DGKD: variants seen among roughly 807,000 people sequenced by gnomAD.
The protein encoded by DGKD is DAG kinase delta.
A neutral mutation model predicts 154.4 loss-of-function variants in DGKD; 68 were observed. The ratio of observed to expected loss-of-function variants is 0.44; its 90% CI spans 0.36 to 0.54. The LOEUF is 0.54. DGKD is among the 20% of genes least tolerant of loss of function. The pLI is 0.00. For synonymous variants in DGKD, 693 were observed against 638.0 expected (o/e 1.09, Z -1.30); for missense variants, 1,343 against 1,593.6 (o/e 0.84, Z 2.68).
At chr2:233,416,982 C>T (rs1271555996) in intron 3 of DGKD, among the ~76,000 whole-genome samples, 6 of 152,198 alleles carry the variant, frequency 3.9e-5, no homozygotes, top group Non-Finnish European at 7.3e-5. Context: ...GCATTGCAGC[C>T]GCAAGCTCTG....
At chr2:233,386,227 A>T (rs1026219481) in intron 1 of DGKD, 3 of 326,126 alleles carry the variant, frequency 9.2e-6, no homozygotes, top group African/African-American at 2.2e-5. Flanking sequence ...AAGGAAGATG[A>T]ATGGGGGGCC....
In DGKD at chr2:233,458,257, T is replaced by C. The variant is rs2063520463; in HGVS notation, c.2581-27T>C. 6.7e-7 allele frequency: 1 copy of C among 1,495,316 alleles called. No homozygotes were observed. Among genetic ancestry groups the C allele is most frequent in the Non-Finnish European group, 9.3e-7 (1 of 1,075,634 alleles). 92.6% of individuals were successfully genotyped at this position (1,495,316 alleles called of 1,614,324 possible). ...CTGTGCTCGGGGATGTGTGGAGTGG[T>C]GGTCAGCTCTAACGTGTCCCTTGCA... On this transcript the variant is annotated intron_variant, in intron 21 of 29. Transcript: ENST00000264057. The surrounding 1 kb of genome is among the most constrained non-coding windows in gnomAD (Gnocchi z 6.6).
At chr2:233,460,162 C>T (rs771192187) in intron 23 of DGKD, 32 bp from the exon 24 acceptor site, 4 of 1,610,436 alleles carry the variant, frequency 2.5e-6, no homozygotes, top group Non-Finnish European at 3.4e-6. Context: ...TGCTTCAGAG[C>T]AGCAGGTGTA....
rs2063578395 is a variant in DGKD, at chr2:233,460,100, T to G, written c.2830-94T>G. The G allele has an allele frequency of 3.9e-6, 6 of 1,535,456 alleles. No homozygotes were observed. The South Asian group carries it at 7.7e-5, about 20-fold the overall frequency. On this transcript the variant is annotated intron_variant, in intron 23 of 29. Transcript: ENST00000264057. The stretch of plus-strand genomic sequence containing the variant: ...AAAAAAAAAGTCCTATTTGTCTCTT[T>G]CTAGTTGTGATCTCGTTGGCATCCC...
chr2:233,429,070 C>G, intron 3 of DGKD: 1 of 970,452 alleles, frequency 1.0e-6, no homozygotes, highest in Non-Finnish European at 1.2e-6. Context: ...TAGTAGTGCC[C>G]AATACCCACA....
Position 233,435,893 on chromosome 2 carries a change from T to A in DGKD, c.662T>A (p.Ile221Asn). The change falls in exon 6 of 30, where the codon ATC becomes AAC. Residue 221 changes from isoleucine to asparagine, a missense_variant. By Grantham distance (149) the Ile-to-Asn change is moderately radical. This residue lies in a region of DGKD where 332 missense variants were observed against 400.1 expected (regional missense o/e 0.83). Transcript: ENST00000264057. ...NNCKWTTLAS[I>N]GKDIIEDADG... The stretch of plus-strand genomic sequence containing the variant: ...TGCAAGTGGACCACACTGGCCTCGA[T>A]CGGGAAGGACATCATTGAAGATGCA... 6.2e-7 allele frequency: 1 copy of A among 1,611,732 alleles called. No individual in the cohort carries two copies. The highest frequency in any genetic ancestry group is 8.5e-7 in the Non-Finnish European group (1 of 1,178,988).
chr2:233,450,528 C>CCA lies in DGKD; in HGVS notation c.2039-391_2039-390dup, dbSNP rs752581715. Among the ~76,000 whole-genome samples, 22 of 152,278 alleles carry CCA rather than the reference C, an allele frequency of 1.4e-4. No homozygotes were observed. In the East Asian group the frequency reaches 2.3e-3, roughly 16 times the overall value. ...TTGTCCTTGCCCCTCCTGGAACAGC[C>CCA]CACAGCGCAGGCCCTGGTGGAGGGC... On this transcript the variant is annotated intron_variant, in intron 16 of 29. Transcript: ENST00000264057.
intron 1 of DGKD, among the ~76,000 whole-genome samples, chr2:233,363,332 G>A (rs189662743): frequency 6.6e-6 from 1 of 152,098 alleles, no homozygotes; most frequent in East Asian, 1.9e-4. Flanking sequence ...TATTTAAGAA[G>A]TAAAATAATT....
In DGKD at chr2:233,437,272, C is replaced by G. The variant is rs547530481; in HGVS notation, c.820-105C>G. 2.5e-3 allele frequency: 2,611 copies of G among 1,039,122 alleles called. 19 individuals are homozygous for G. The highest frequency in any genetic ancestry group is 2.3e-3 in the Non-Finnish European group (1,591 of 687,736). 64.4% of individuals were successfully genotyped at this position (1,039,122 alleles called of 1,614,324 possible). A position where few individuals can be genotyped will look rare whatever the true frequency, so the allele number is the denominator to read the frequency against. ...TAGCAGGCCAGCCCAGCTCTGAAAT[C>G]ACCTGCCTCCCCCGAGGCCAGCTCA... On this transcript the variant is annotated intron_variant, in intron 7 of 29. Coordinates refer to ENST00000264057, the MANE Select transcript of DGKD (RefSeq NM_152879.3).
At position 233,449,503 on chromosome 2, in the gene DGKD, A is replaced by G; in HGVS notation, c.1888+127A>G. ...ACCTCCACTGCGGCCCTCTCCACCC[A>G]TGTCCAGGCACCAGACCCCCAACGA... On this transcript the variant is annotated intron_variant, in intron 15 of 29. Transcript: ENST00000264057. The surrounding 1 kb of genome is among the most constrained non-coding windows in gnomAD (Gnocchi z 5.3). 2.3e-6 allele frequency: 3 copies of G among 1,315,450 alleles called. No homozygotes were observed. The highest frequency in any genetic ancestry group is 3.0e-6 in the Non-Finnish European group (3 of 985,078). 81.5% of individuals were successfully genotyped at this position (1,315,450 alleles called of 1,614,324 possible). A position where few individuals can be genotyped will look rare whatever the true frequency, so the allele number is the denominator to read the frequency against.
chr2:233,405,793 C>T (rs1027478180), intron 3 of DGKD, among the ~76,000 whole-genome samples: 3 of 152,174 alleles, frequency 2.0e-5, no homozygotes, highest in Non-Finnish European at 2.9e-5. Context: ...GCAAAACAGA[C>T]TAAGACACAT....
Position 233,442,010 on chromosome 2 carries a change from G to A in DGKD, c.1194+15G>A. 6.2e-7 allele frequency: 1 copy of A among 1,611,082 alleles called. No individual in the cohort carries two copies. Among genetic ancestry groups the A allele is most frequent in the South Asian group, 1.1e-5 (1 of 91,004 alleles). On this transcript the variant is annotated intron_variant, in intron 10 of 29. Coordinates refer to ENST00000264057, the MANE Select transcript of DGKD (RefSeq NM_152879.3). ...TTCATAAACAGGTACCAGGACAGGA[G>A]GGAGCCCAGCCAGGAGCAGAGAGGG... is the stretch of plus-strand genomic sequence containing the variant.
intron 3 of DGKD, among the ~76,000 whole-genome samples, chr2:233,396,320 C>T (rs143515248): frequency 1.5e-3 from 236 of 152,290 alleles, no homozygotes; most frequent in African/African-American, 5.4e-3. Flanking sequence ...TTTTCTCTTA[C>T]ACTTGAAAAA....
chr2:233,465,776 A>G (rs2124961924), intron 27 of DGKD, among the ~76,000 whole-genome samples: 1 of 152,326 alleles, frequency 6.6e-6, no homozygotes, highest in African/African-American at 2.4e-5. Context: ...GCTTTCTCTT[A>G]AAAGTAAATT....
chr2:233,396,846 G>T (rs1036865567), intron 3 of DGKD, among the ~76,000 whole-genome samples: 3 of 152,152 alleles, frequency 2.0e-5, no homozygotes, highest in African/African-American at 7.2e-5. Flanking sequence ...GGGACACCAC[G>T]TGGAGTGTGC....
chr2:233,437,216 T>A (rs1575117762), intron 7 of DGKD, among the ~76,000 whole-genome samples, 161 bp from the exon 8 acceptor site: 1 of 152,160 alleles, frequency 6.6e-6, no homozygotes, highest in South Asian at 2.1e-4. Flanking sequence ...GGGCCCCCGA[T>A]GATAGCAGGC....
chr2:233,414,505 AG>A (rs1357501937), intron 3 of DGKD, among the ~76,000 whole-genome samples: 1 of 152,194 alleles, frequency 6.6e-6, no homozygotes, highest in Non-Finnish European at 1.5e-5. Flanking sequence ...CCCTCCCTCC[AG>A]GGGGAGACCA....
chr2:233,455,092 C>T (rs576821555), intron 19 of DGKD, among the ~76,000 whole-genome samples: 2 of 152,292 alleles, frequency 1.3e-5, no homozygotes, highest in Non-Finnish European at 2.9e-5. Context: ...AATTCAACAT[C>T]GGAAAACCAG....
chr2:233,390,484 GT>G lies in DGKD; in HGVS notation c.348+2del. 1 of 1,612,990 alleles carries G rather than the reference GT, an allele frequency of 6.2e-7. No homozygotes were observed. The highest frequency in any genetic ancestry group is 8.5e-7 in the Non-Finnish European group (1 of 1,178,998). Reference sequence around the variant, plus strand: ...CAAAAACGTCAACAACAGTTTTACGGTAAGATTCCTCAGTCATGCCTTTCTT... The same window carrying G: ...CAAAAACGTCAACAACAGTTTTACGGAAGATTCCTCAGTCATGCCTTTCTT... On this transcript the variant is annotated splice_donor_variant, in intron 3 of 29. Coordinates refer to ENST00000264057, the MANE Select transcript of DGKD (RefSeq NM_152879.3). LOFTEE classifies it high-confidence loss of function.
Sources: gnomAD v4.1 joint callset for allele counts (sites outside exome capture counted in the v4.1 genomes callset) on GRCh38, gnomAD v4.1.1 for gene constraint, gnomAD v4.1.1 regional missense constraint, Gnocchi (gnomAD v3.1) non-coding constraint, MANE v1.5 for transcripts, NCBI Gene and HGNC (gene_info 2026-07-23, HGNC 2026-07-21) for gene names.